Variants in NDEL1 observed in about 807,000 individuals in gnomAD.
NDEL1 encodes nuclear distribution protein nudE-like 1.
Under a neutral mutation model 45.7 loss-of-function variants are expected in NDEL1, and 9 were observed. The observed-to-expected ratio is 0.20, with a 90% CI of 0.12 to 0.34. The LOEUF (loss-of-function observed/expected upper bound fraction) is 0.34. NDEL1 is among the 10% of genes least tolerant of loss of function. NDEL1 has a pLI of 1.00. For synonymous variants in NDEL1, 133 were observed against 158.6 expected (o/e 0.84, Z 1.21); for missense variants, 306 against 406.2 (o/e 0.75, Z 2.12).
rs1044671666 is a variant in NDEL1, at chr17:8,452,973, A to G, written c.701-1823A>G. Among the ~76,000 whole-genome samples the G allele has an allele frequency of 3.3e-5, 5 of 152,094 alleles. No homozygotes were observed. In the South Asian group the frequency reaches 6.2e-4, roughly 19 times the overall value. On this transcript the variant is annotated intron_variant, in intron 6 of 8. Transcript: ENST00000334527. ...AGGCCAGTCTCAAACTCCTGACCTCAGGTGATCCACCCACCTCAGCCTCCC... is the reference window on the plus strand; with the variant it reads ...AGGCCAGTCTCAAACTCCTGACCTCGGGTGATCCACCCACCTCAGCCTCCC...
intron 7 of NDEL1, among the ~76,000 whole-genome samples, chr17:8,458,046 A>G (rs1366743976): frequency 3.3e-5 from 5 of 152,158 alleles, no homozygotes; most frequent in Non-Finnish European, 7.3e-5. Flanking sequence ...CACGCCCCAG[A>G]CACTTTAGCC....
rs542087318 is a variant in NDEL1 at position 8,442,440 on chromosome 17, A to C, written c.-12-1820A>C. Reference sequence around the variant, plus strand: ...ATATTTATTTATTTATTTTAGAGACAGGGTCTTGCTGTGTTGCCCAGGCTG... The same window carrying C: ...ATATTTATTTATTTATTTTAGAGACCGGGTCTTGCTGTGTTGCCCAGGCTG... On this transcript the variant is annotated intron_variant, in intron 1 of 8. Coordinates refer to ENST00000334527, the MANE Select transcript of NDEL1 (RefSeq NM_030808.5). Among the ~76,000 whole-genome samples the C allele has an allele frequency of 1.7e-4, 26 of 152,332 alleles. No homozygotes were observed. In the South Asian group the frequency reaches 5.4e-3, roughly 32 times the overall value.
chr17:8,442,160 A>T (rs1003396075), intron 1 of NDEL1, among the ~76,000 whole-genome samples: 1 of 152,124 alleles, frequency 6.6e-6, no homozygotes, highest in Non-Finnish European at 1.5e-5. Context: ...CTATTCTTTG[A>T]TGTGGAGCCT....
chr17:8,464,650 CACTT>C (rs1911456473), intron 8 of NDEL1: 1 of 152,266 alleles, frequency 6.6e-6, no homozygotes, highest in African/African-American at 2.4e-5. Context: ...TGGGCTGCAC[CACTT>C]ACTTTTCCCA....
At position 8,465,117 on chromosome 17, in the gene NDEL1, G is replaced by A. The variant is rs991973375; in HGVS notation, c.945-1813G>A. The A allele has an allele frequency of 1.3e-5, 2 of 152,274 alleles. No homozygotes were observed. Among genetic ancestry groups the A allele is most frequent in the African/African-American group, 2.4e-5 (1 of 41,442 alleles). The allele number at this position is 152,274 out of a possible 1,614,324, so 9.4% of individuals were successfully genotyped here. On this transcript the variant is annotated intron_variant, in intron 8 of 8. Transcript: ENST00000334527. The surrounding 1 kb of genome is among the most constrained non-coding windows in gnomAD (Gnocchi z 4.9). Reference sequence around the variant, plus strand: ...AATCTGAGGTTCACACGTGCTGAGAGCTGCAGGCATTTGTGGGGCCTGCCT... The same window carrying A: ...AATCTGAGGTTCACACGTGCTGAGAACTGCAGGCATTTGTGGGGCCTGCCT...
chr17:8,436,165 G>C, intron 1 of NDEL1, 120 bp downstream of exon 1: 1 of 251,792 alleles, frequency 4.0e-6, no homozygotes. Flanking sequence ...GGGGCGGGCC[G>C]GGCCGGGTTC....
intron 1 of NDEL1, among the ~76,000 whole-genome samples, chr17:8,429,356 A>C (rs1422964856): frequency 6.6e-6 from 1 of 152,146 alleles, no homozygotes; most frequent in Non-Finnish European, 1.5e-5. Flanking sequence ...CTGTCCCTAC[A>C]CTCAGTGAGT....
At chr17:8,436,071 C>T (rs1169544106) in intron 1 of NDEL1, 26 bp downstream of exon 1, 3 of 404,390 alleles carry the variant, frequency 7.4e-6, no homozygotes, top group Admixed American at 5.5e-5. Context: ...GGGGCCGCTC[C>T]CTAAGGGGCT....
chr17:8,460,893 T>C (rs1911155240), intron 8 of NDEL1, among the ~76,000 whole-genome samples: 1 of 152,222 alleles, frequency 6.6e-6, no homozygotes, highest in African/African-American at 2.4e-5. Context: ...CTATTGCCAT[T>C]ATCTTTCCAT....
chr17:8,438,150 G>T (rs527885484), intron 1 of NDEL1, among the ~76,000 whole-genome samples: 1 of 152,216 alleles, frequency 6.6e-6, no homozygotes, highest in South Asian at 2.1e-4. Context: ...GTAGAGACAG[G>T]GTTTCACCAT....
At chr17:8,457,925 A>G (rs1342506588) in intron 7 of NDEL1, among the ~76,000 whole-genome samples, 1 of 152,184 alleles carries the variant, frequency 6.6e-6, no homozygotes, top group Non-Finnish European at 1.5e-5. Context: ...ATATTTCTGT[A>G]TTACATGTTA....
At chr17:8,421,276 G>A (rs1032602935) in intron 1 of NDEL1, among the ~76,000 whole-genome samples, 3 of 152,290 alleles carry the variant, frequency 2.0e-5, no homozygotes, top group African/African-American at 7.2e-5. Context: ...CCCCAAAAAT[G>A]TTCACATCCT....
chr17:8,463,078 C>G, intron 8 of NDEL1: 2 of 367,264 alleles, frequency 5.4e-6, no homozygotes. Context: ...CCATGGTCAC[C>G]CTTTGTCTCA....
At chr17:8,419,230 T>C (rs1289218373) in intron 1 of NDEL1, among the ~76,000 whole-genome samples, 1 of 152,150 alleles carries the variant, frequency 6.6e-6, no homozygotes, top group African/African-American at 2.4e-5. Flanking sequence ...TCTAAAGTGT[T>C]TGACGATTTT....
chr17:8,423,021 G>A (rs1347754733), intron 1 of NDEL1, among the ~76,000 whole-genome samples: 1 of 152,162 alleles, frequency 6.6e-6, no homozygotes, highest in East Asian at 1.9e-4. Context: ...GAGCCACTGC[G>A]CCCAGCCCTC....
At position 8,466,921 on chromosome 17, in the gene NDEL1, C is replaced by T. The variant is rs529366219; in HGVS notation, c.945-9C>T. 14 of 1,613,906 alleles carry T rather than the reference C, an allele frequency of 8.7e-6. No individual in the cohort carries two copies. In the Admixed American group the frequency reaches 1.5e-4, roughly 17 times the overall value. On this transcript the variant is annotated splice_polypyrimidine_tract_variant and intron_variant, in intron 8 of 8. Coordinates refer to ENST00000334527, the MANE Select transcript of NDEL1 (RefSeq NM_030808.5). ...TTTCTTCCCTTCTGTGCTCTGGTTG[C>T]TCCCACAGGGCAGTAAACGGCTTTG...
At chr17:8,445,098 C>G (rs1426400390) in intron 2 of NDEL1, 1 of 151,970 alleles carries the variant, frequency 6.6e-6, no homozygotes, top group African/African-American at 2.4e-5. Flanking sequence ...TCTTAATGGG[C>G]TGGGGTAGCC....
rs531452711 is a variant in NDEL1, at chr17:8,440,349, A to T, written c.-12-3911A>T. Among the ~76,000 whole-genome samples the T allele has an allele frequency of 2.0e-5, 3 of 152,076 alleles. No individual in the cohort carries two copies. The South Asian group carries it at 6.2e-4, about 32-fold the overall frequency. On this transcript the variant is annotated intron_variant, in intron 1 of 8. Transcript: ENST00000334527. ...GGCCAACATGGTGAAACCGTGTCCT[A>T]CTAAAAATACAAAAATTAGCCAGGT...
At chr17:8,449,303 A>AT (rs761293293) in intron 5 of NDEL1, among the ~76,000 whole-genome samples, 46 of 151,918 alleles carry the variant, frequency 3.0e-4, no homozygotes, top group Non-Finnish European at 5.7e-4. Flanking sequence ...TTAAGAAAAC[A>AT]TTTTTTTTGT....
Sources: gnomAD v4.1 joint callset for allele counts (sites outside exome capture counted in the v4.1 genomes callset) on GRCh38, gnomAD v4.1.1 for gene constraint, Gnocchi (gnomAD v3.1) non-coding constraint, MANE v1.5 for transcripts, NCBI Gene and HGNC (gene_info 2026-07-23, HGNC 2026-07-21) for gene names.